Variants in ATP8A1 observed in about 807,000 individuals in gnomAD.
ATP8A1 encodes the protein phospholipid-transporting ATPase IA.
In ATP8A1, 90 loss-of-function variants were observed where a neutral mutation model predicts 177.7. That is an observed-to-expected ratio of 0.51 (90% CI 0.43 to 0.60). ATP8A1 has a LOEUF of 0.60. ATP8A1 is among the 20% of genes least tolerant of loss of function. ATP8A1 has a pLI of 0.00. For missense variants in ATP8A1, 1,072 were observed against 1,392.8 expected (o/e 0.77, Z 3.67); for synonymous variants, 493 against 485.9 (o/e 1.01, Z -0.19).
intron 35 of ATP8A1, among the ~76,000 whole-genome samples, chr4:42,419,777 G>A (rs1713659578): frequency 6.6e-6 from 1 of 152,234 alleles, no homozygotes; most frequent in Non-Finnish European, 1.5e-5. Context: ...GCTGAGGCGG[G>A]TGGATCACGA....
At chr4:42,617,955 T>C (rs1737081692) in intron 4 of ATP8A1, among the ~76,000 whole-genome samples, 1 of 152,192 alleles carries the variant, frequency 6.6e-6, no homozygotes, top group Non-Finnish European at 1.5e-5. Context: ...TTATTCCTTC[T>C]AAAACTAATA....
chr4:42,508,227 G>A (rs987268049), intron 22 of ATP8A1, among the ~76,000 whole-genome samples: 2 of 152,134 alleles, frequency 1.3e-5, no homozygotes, highest in African/African-American at 4.8e-5. Context: ...CCGCCTCCCA[G>A]GTCCAAGTGA....
At chr4:42,552,149 C>T (rs1392622612) in intron 17 of ATP8A1, among the ~76,000 whole-genome samples, 1 of 152,280 alleles carries the variant, frequency 6.6e-6, no homozygotes, top group East Asian at 1.9e-4. Context: ...GCGAACACTT[C>T]TTCCTTTTCC....
At chr4:42,649,462 A>C (rs1356273389) in intron 1 of ATP8A1, among the ~76,000 whole-genome samples, 1 of 152,200 alleles carries the variant, frequency 6.6e-6, no homozygotes, top group East Asian at 1.9e-4. Context: ...ATTTATATGA[A>C]GTATATAAAA....
intron 25 of ATP8A1, among the ~76,000 whole-genome samples, chr4:42,482,911 G>C (rs758817258): frequency 6.6e-6 from 1 of 152,174 alleles, no homozygotes; most frequent in African/African-American, 2.4e-5. Flanking sequence ...CATAAAGCCA[G>C]TATGAACATA....
chr4:42,424,446 A>C (rs1046609497), intron 33 of ATP8A1, among the ~76,000 whole-genome samples: 2 of 152,156 alleles, frequency 1.3e-5, no homozygotes, highest in African/African-American at 4.8e-5. Flanking sequence ...CTTTTTATCA[A>C]GAGGAAATTT....
rs549000300 is a variant in ATP8A1, at chr4:42,657,077, G to A, written c.-204C>T. ...AAAGGCAGCGGTGGCGGCGAAGGTG[G>A]CGGCGCCCGCAGAGCTGGGCGAGCT... On this transcript the variant is annotated 5_prime_UTR_variant, in exon 1 of 37. Coordinates refer to ENST00000381668, the MANE Select transcript of ATP8A1 (RefSeq NM_006095.2). 3.9e-5 allele frequency: 17 copies of A among 432,944 alleles called. No homozygotes were observed. The highest frequency in any genetic ancestry group is 1.4e-4 in the African/African-American group (7 of 48,988). The allele number at this position is 432,944 out of a possible 1,614,324, so 26.8% of individuals were successfully genotyped here. A position where few individuals can be genotyped will look rare whatever the true frequency, so the allele number is the denominator to read the frequency against.
At chr4:42,603,325 T>A (rs114545608) in intron 5 of ATP8A1, among the ~76,000 whole-genome samples, 1,689 of 152,318 alleles carry the variant, frequency 0.011, 25 homozygotes, top group African/African-American at 0.038. Flanking sequence ...TGTTTTTTCT[T>A]AACCTCACGA....
intron 22 of ATP8A1, among the ~76,000 whole-genome samples, chr4:42,517,078 G>T (rs1021590364): frequency 3.3e-5 from 5 of 151,944 alleles, no homozygotes; most frequent in Non-Finnish European, 7.4e-5. Context: ...AGGGGGGGTG[G>T]ATCACGAGGT....
chr4:42,601,420 G>A (rs1735262337), intron 5 of ATP8A1, among the ~76,000 whole-genome samples: 1 of 151,478 alleles, frequency 6.6e-6, no homozygotes, highest in Non-Finnish European at 1.5e-5. Context: ...TTATGATGGG[G>A]GGTAGGTATT....
chr4:42,417,412 T>TA (rs1163570347), intron 35 of ATP8A1, among the ~76,000 whole-genome samples: 1 of 152,014 alleles, frequency 6.6e-6, no homozygotes, highest in Non-Finnish European at 1.5e-5. Flanking sequence ...CAGTTTTACG[T>TA]AGTCTCTTAT....
intron 15 of ATP8A1, among the ~76,000 whole-genome samples, chr4:42,556,649 T>C (rs1045603400): frequency 6.6e-6 from 1 of 152,102 alleles, no homozygotes; most frequent in Admixed American, 6.6e-5. Context: ...TGAGCAAATG[T>C]ATTATGTACT....
chr4:42,433,871 A>G (rs779623353), intron 33 of ATP8A1, among the ~76,000 whole-genome samples: 2 of 148,792 alleles, frequency 1.3e-5, no homozygotes, highest in African/African-American at 2.5e-5. Context: ...AAAAAAAACG[A>G]TTAAAAAAGG....
At chr4:42,535,977 G>T (rs1266173875) in intron 20 of ATP8A1, among the ~76,000 whole-genome samples, 1 of 152,176 alleles carries the variant, frequency 6.6e-6, no homozygotes, top group Middle Eastern at 3.2e-3. Flanking sequence ...TAAGGGGAAA[G>T]TTCATAGCAT....
intron 20 of ATP8A1, among the ~76,000 whole-genome samples, chr4:42,538,938 C>CA (rs1728104929): frequency 6.6e-6 from 1 of 152,082 alleles, no homozygotes; most frequent in Non-Finnish European, 1.5e-5. Context: ...AGTCATTATA[C>CA]AAAAAAGATA....
chr4:42,438,667 C>T (rs1716271468), intron 33 of ATP8A1, among the ~76,000 whole-genome samples: 1 of 151,942 alleles, frequency 6.6e-6, no homozygotes, highest in Admixed American at 6.6e-5. Flanking sequence ...GGGGAAATGG[C>T]AGATGGACTG....
chr4:42,590,942 A>G, intron 6 of ATP8A1, 58 bp from the exon 7 acceptor site: 3 of 1,435,900 alleles, frequency 2.1e-6, no homozygotes, highest in East Asian at 2.3e-5. Flanking sequence ...AACAGAGGAA[A>G]AAAAACAAAC....
chr4:42,633,724 G>T (rs962126916), intron 1 of ATP8A1, among the ~76,000 whole-genome samples: 2 of 152,186 alleles, frequency 1.3e-5, no homozygotes, highest in Non-Finnish European at 2.9e-5. Flanking sequence ...AACAATGCCT[G>T]GCACGTAGTA....
chr4:42,540,319 A>G (rs565430719), intron 20 of ATP8A1, among the ~76,000 whole-genome samples: 1 of 152,326 alleles, frequency 6.6e-6, no homozygotes, highest in Middle Eastern at 3.4e-3. Flanking sequence ...GACCTCTTAC[A>G]TACTGTTGGT....
Sources: allele counts gnomAD v4.1 joint callset (sites outside exome capture counted in the v4.1 genomes callset), GRCh38; gene constraint gnomAD v4.1.1; transcripts MANE v1.5; gene names NCBI Gene and HGNC (gene_info 2026-07-23, HGNC 2026-07-21).